Variants in PABIR2 observed in about 807,000 individuals in gnomAD.
PABIR2 encodes the protein family with sequence similarity 122B.
A neutral mutation model predicts 22.8 loss-of-function variants in PABIR2; 7 were observed. The observed-to-expected ratio is 0.31, with a 90% CI of 0.17 to 0.58. The LOEUF (loss-of-function observed/expected upper bound fraction) is 0.58. Among genes scored for constraint, PABIR2 ranks in the 20% least tolerant of loss-of-function variants. PABIR2 has a pLI of 0.89. For missense variants in PABIR2, 155 were observed against 205.1 expected (o/e 0.76, Z 1.49); for synonymous variants, 67 against 73.8 (o/e 0.91, Z 0.47).
At position 134,771,769 on chromosome X, in the gene PABIR2, T is replaced by C; in HGVS notation, c.*370A>G. On this transcript the variant is annotated 3_prime_UTR_variant, in exon 10 of 10. Coordinates refer to ENST00000343004, the MANE Select transcript of PABIR2 (RefSeq NM_001387468.1). The stretch of plus-strand genomic sequence containing the variant: ...AAGCAAGAGAATTTCTGATCAAATC[T>C]GTCATATCACTGCTGCGGAAAAGGA... 4 of 810,453 alleles carry C rather than the reference T, an allele frequency of 4.9e-6. No homozygotes were observed. The highest frequency in any genetic ancestry group is 5.9e-6 in the Non-Finnish European group (4 of 676,795). 66.8% of individuals were successfully genotyped at this position (810,453 alleles called of 1,213,427 possible).
chrX:134,783,969 AG>A (rs2079227726), intron 8 of PABIR2, among the ~76,000 whole-genome samples: 1 of 106,833 alleles, frequency 9.4e-6, no homozygotes, highest in African/African-American at 3.4e-5. Context: ...GGTACTTGGG[AG>A]GCTGAGGCAG....
chrX:134,797,013 A>T lies in PABIR2; in HGVS notation c.-808T>A, dbSNP rs1311004705. On this transcript the variant is annotated 5_prime_UTR_variant, in exon 1 of 10. Transcript: ENST00000343004. The stretch of plus-strand genomic sequence containing the variant: ...TCCCTGCCCCCCTCCCGCCTCGAGG[A>T]CAGGTTGGGGGTTCGGCCTCTCAGC... The T allele has an allele frequency of 8.9e-6, 1 of 112,898 alleles. No individual in the cohort carries two copies. Among genetic ancestry groups the T allele is most frequent in the East Asian group, 2.8e-4 (1 of 3,549 alleles). The allele number at this position is 112,898 out of a possible 1,213,427, so 9.3% of individuals were successfully genotyped here. A position where few individuals can be genotyped will look rare whatever the true frequency, so the allele number is the denominator to read the frequency against.
chrX:134,784,332 G>C (rs1417126850), intron 8 of PABIR2, among the ~76,000 whole-genome samples: 2 of 109,154 alleles, frequency 1.8e-5, no homozygotes, highest in East Asian at 5.8e-4. Flanking sequence ...CGTGGTGGTG[G>C]TGGGTGCTTC....
chrX:134,786,549 G>C (rs1034244768), intron 7 of PABIR2, among the ~76,000 whole-genome samples: 2 of 111,855 alleles, frequency 1.8e-5, no homozygotes, highest in African/African-American at 6.5e-5. Flanking sequence ...ATTTGGATTT[G>C]ATTGATCTAT....
At chrX:134,774,249 G>A (rs2078906229) in intron 9 of PABIR2, among the ~76,000 whole-genome samples, 1 of 112,032 alleles carries the variant, frequency 8.9e-6, no homozygotes, top group African/African-American at 3.2e-5. Context: ...CAAGACATTG[G>A]AAAATCAAAA....
At chrX:134,777,607 C>T (rs1481799134) in intron 9 of PABIR2, among the ~76,000 whole-genome samples, 2 of 108,187 alleles carry the variant, frequency 1.8e-5, no homozygotes, top group East Asian at 2.9e-4. Context: ...GAGGCCGAGG[C>T]GGGTGGATCA....
chrX:134,781,951 A>C (rs372885090), intron 8 of PABIR2, 34 bp from the exon 9 acceptor site: 2 of 1,044,310 alleles, frequency 1.9e-6, no homozygotes, highest in Non-Finnish European at 2.6e-6. Flanking sequence ...ACTATAAAAC[A>C]ATTTTACAAA....
At chrX:134,781,682 C>T (rs776969623) in intron 9 of PABIR2, 139 bp downstream of exon 9, 2 of 336,647 alleles carry the variant, frequency 5.9e-6, no homozygotes, top group Admixed American at 1.2e-4. Context: ...TTGTCACATC[C>T]CCAAAATAAT....
chrX:134,775,198 A>T (rs1447672307), intron 9 of PABIR2, among the ~76,000 whole-genome samples: 2 of 111,823 alleles, frequency 1.8e-5, no homozygotes, highest in Non-Finnish European at 3.8e-5. Context: ...GCCACTGAAT[A>T]TACATATTGA....
Position 134,771,325 on chromosome X carries a change from G to A in PABIR2, c.*814C>T. 1 of 1,152,745 alleles carries A rather than the reference G, an allele frequency of 8.7e-7. No individual in the cohort carries two copies. Among genetic ancestry groups the A allele is most frequent in the East Asian group, 3.3e-5 (1 of 30,562 alleles). 95.0% of individuals were successfully genotyped at this position (1,152,745 alleles called of 1,213,427 possible). ...TAGATGCTCCACACATCTGGTCAAG[G>A]CAGGAATTTCTTCTCCTTGATAACA... On this transcript the variant is annotated 3_prime_UTR_variant, in exon 10 of 10. Transcript: ENST00000343004.
At position 134,772,270 on chromosome X, in the gene PABIR2, C is replaced by T. The variant is rs2078853882; in HGVS notation, c.673G>A (p.Asp225Asn). 8.4e-7 allele frequency: 1 copy of T among 1,185,977 alleles called. No homozygotes were observed. Among genetic ancestry groups the T allele is most frequent in the Admixed American group, 2.3e-5 (1 of 43,456 alleles). Reference protein sequence around the residue: ...SDLSSCSDILDGSSSSSGLSS... With the variant: ...SDLSSCSDILNGSSSSSGLSS... Reference sequence around the variant, plus strand: ...AAGCCACTGCTGCTACTACTGCCATCCAAAATATCTGAACTGAAGACAAAG... The same window carrying T: ...AAGCCACTGCTGCTACTACTGCCATTCAAAATATCTGAACTGAAGACAAAG... Residue 225 changes from aspartate (D) to asparagine (N), a missense_variant, in exon 10 of 10, where the codon GAT (aspartate) becomes AAT (asparagine). Asp to Asn is a conservative substitution (Grantham distance 23). Coordinates refer to ENST00000343004, the MANE Select transcript of PABIR2 (RefSeq NM_001387468.1).
At chrX:134,788,666 T>A in intron 6 of PABIR2, 64 bp downstream of exon 6, 3 of 951,528 alleles carry the variant, frequency 3.2e-6, no homozygotes, top group Non-Finnish European at 4.4e-6. Context: ...GGGTGATTTG[T>A]GTGTGTTTTA....
In PABIR2 at chrX:134,769,724, C is replaced by T. The variant is rs777482824; in HGVS notation, c.*2415G>A. 7.2e-5 allele frequency: 8 copies of T among 111,872 alleles called. No individual in the cohort carries two copies. In the South Asian group the frequency reaches 3.0e-3, roughly 42 times the overall value. The allele number at this position is 111,872 out of a possible 1,213,427, so 9.2% of individuals were successfully genotyped here. A position where few individuals can be genotyped will look rare whatever the true frequency, so the allele number is the denominator to read the frequency against. ...AAAAACATTATCTATAGGGTTGTATCATATCATCTCTTATACCTGTTTTCA... is the reference window on the plus strand; with the variant it reads ...AAAAACATTATCTATAGGGTTGTATTATATCATCTCTTATACCTGTTTTCA... On this transcript the variant is annotated 3_prime_UTR_variant, in exon 10 of 10. Transcript: ENST00000343004.
Position 134,787,613 on chromosome X carries a change from T to TTC in PABIR2, c.436-81_436-80insGA, listed in dbSNP as rs1556282770. 7 of 444,980 alleles carry TTC rather than the reference T, an allele frequency of 1.6e-5. No individual in the cohort carries two copies. The African/African-American group carries it at 1.7e-4, about 11-fold the overall frequency. 36.7% of individuals were successfully genotyped at this position (444,980 alleles called of 1,213,427 possible). On this transcript the variant is annotated intron_variant, in intron 6 of 9. Transcript: ENST00000343004. ...TTCTAGCACTCCAGTTTTCTTTCTT[T>TTC]TTTTTTTTTTTTTTTTTTTTTAGAG...
intron 6 of PABIR2, among the ~76,000 whole-genome samples, chrX:134,788,235 A>T (rs1401804518): frequency 3.3e-5 from 1 of 30,098 alleles, no homozygotes; most frequent in African/African-American, 1.7e-4. Context: ...TATATGTGTA[A>T]TATATACACG....
At chrX:134,774,331 A>C (rs1480837730) in intron 9 of PABIR2, among the ~76,000 whole-genome samples, 3 of 112,133 alleles carry the variant, frequency 2.7e-5, no homozygotes, top group African/African-American at 9.7e-5. Flanking sequence ...TAATATTAAA[A>C]TGAATTTACT....
intron 7 of PABIR2, among the ~76,000 whole-genome samples, chrX:134,786,281 T>G (rs1258260116): frequency 9.1e-6 from 1 of 110,037 alleles, no homozygotes; most frequent in Non-Finnish European, 1.9e-5. Context: ...TTTTGAGAGG[T>G]CAAGGTAAGC....
rs1217556429 is a variant in PABIR2 at position 134,793,868 on chromosome X, A to C, written c.124T>G (p.Tyr42Asp). The C allele has an allele frequency of 8.3e-7, 1 of 1,208,018 alleles. No homozygotes were observed. Among genetic ancestry groups the C allele is most frequent in the Admixed American group, 2.2e-5 (1 of 45,492 alleles). Residue 42 changes from tyrosine to aspartate, a missense_variant, in exon 2 of 10, where the codon TAC (tyrosine) becomes GAC (aspartate). Tyr to Asp is a radical substitution (Grantham distance 160). Transcript: ENST00000343004. ...CTATTCCTCCGAGTTCTAAGTGTGT[A>C]AGGTTGGAAAACCTGTGAAAGGTCA... The part of the protein sequence containing the change: ...LSDLSQVFQP[Y>D]TLRTRRNSTT...
intron 2 of PABIR2, among the ~76,000 whole-genome samples, chrX:134,790,864 G>A (rs1036477522): frequency 1.8e-5 from 2 of 112,516 alleles, no homozygotes; most frequent in East Asian, 2.8e-4. Context: ...GAGCCACTGC[G>A]CCCAGCCACT....
Sources: allele counts gnomAD v4.1 joint callset (sites outside exome capture counted in the v4.1 genomes callset), GRCh38; gene constraint gnomAD v4.1.1; transcripts MANE v1.5; gene names NCBI Gene and HGNC (gene_info 2026-07-23, HGNC 2026-07-21).